Variants in BICC1 observed in about 807,000 individuals in gnomAD.
BICC1 encodes the protein protein bicaudal C homolog 1.
Under a neutral mutation model 111.0 loss-of-function variants are expected in BICC1, and 43 were observed. That is an observed-to-expected ratio of 0.39 (90% CI 0.30 to 0.50). The LOEUF (loss-of-function observed/expected upper bound fraction) is 0.50. BICC1 is among the 20% of genes least tolerant of loss of function. The pLI is 0.88. For synonymous variants in BICC1, 467 were observed against 434.4 expected (o/e 1.07, Z -0.93); for missense variants, 1,091 against 1,203.2 (o/e 0.91, Z 1.38).
At chr10:58,580,846 A>C (rs1201529968) in intron 1 of BICC1, among the ~76,000 whole-genome samples, 1 of 152,228 alleles carries the variant, frequency 6.6e-6, no homozygotes, top group Non-Finnish European at 1.5e-5. Flanking sequence ...TTTAAAGCTC[A>C]AACCATATCA....
intron 1 of BICC1, among the ~76,000 whole-genome samples, chr10:58,577,081 G>A (rs962421430): frequency 2.6e-5 from 4 of 152,140 alleles, no homozygotes. Context: ...ATCAGATGAG[G>A]TTGGTTTCCA....
At chr10:58,563,415 G>C (rs1843666037) in intron 1 of BICC1, among the ~76,000 whole-genome samples, 1 of 152,148 alleles carries the variant, frequency 6.6e-6, no homozygotes, top group African/African-American at 2.4e-5. Flanking sequence ...AGGCATCCAT[G>C]GTGGCAACGG....
chr10:58,781,019 A>G (rs1842870052), intron 3 of BICC1, among the ~76,000 whole-genome samples: 1 of 152,104 alleles, frequency 6.6e-6, no homozygotes, highest in African/African-American at 2.4e-5. Context: ...TCACATATAA[A>G]ATACCCATTT....
chr10:58,716,032 A>G (rs1840729363), intron 3 of BICC1: 18 of 1,428,076 alleles, frequency 1.3e-5, no homozygotes, highest in Non-Finnish European at 1.7e-5. Flanking sequence ...TTTAAAAAAG[A>G]AAAAGAAGTC....
chr10:58,522,145 CTATA>C (rs1465307724), intron 1 of BICC1, among the ~76,000 whole-genome samples: 1 of 151,752 alleles, frequency 6.6e-6, no homozygotes, highest in African/African-American at 2.4e-5. Context: ...GAGCACAAAT[CTATA>C]TATTCTTGCG....
intron 1 of BICC1, among the ~76,000 whole-genome samples, chr10:58,547,789 A>G (rs1170122009): frequency 6.6e-6 from 1 of 152,140 alleles, no homozygotes; most frequent in African/African-American, 2.4e-5. Flanking sequence ...TCAGTTGGCT[A>G]CTGTGTCCCT....
chr10:58,624,863 G>T (rs1432884266), intron 2 of BICC1, among the ~76,000 whole-genome samples: 1 of 151,990 alleles, frequency 6.6e-6, no homozygotes, highest in Non-Finnish European at 1.5e-5. Context: ...CAAAGTGCTG[G>T]GATTACAGAC....
intron 1 of BICC1, among the ~76,000 whole-genome samples, chr10:58,595,403 A>G (rs987128299): frequency 6.6e-6 from 1 of 152,216 alleles, no homozygotes; most frequent in African/African-American, 2.4e-5. Flanking sequence ...GCAGATCAAC[A>G]GAATATACAT....
At chr10:58,618,848 CA>C (rs1845706375) in intron 1 of BICC1, among the ~76,000 whole-genome samples, 2 of 152,172 alleles carry the variant, frequency 1.3e-5, no homozygotes, top group Admixed American at 6.6e-5. Flanking sequence ...GGGCTGAAAG[CA>C]AGGTGTTAGC....
At chr10:58,655,361 A>G (rs1328073529) in intron 2 of BICC1, among the ~76,000 whole-genome samples, 2 of 131,196 alleles carry the variant, frequency 1.5e-5, no homozygotes, top group Non-Finnish European at 1.6e-5. Flanking sequence ...TATTTCATTG[A>G]GCAGTGGTTT....
chr10:58,591,114 T>C (rs1844601910), intron 1 of BICC1, among the ~76,000 whole-genome samples: 1 of 152,168 alleles, frequency 6.6e-6, no homozygotes, highest in Non-Finnish European at 1.5e-5. Context: ...CTGCTTAGCA[T>C]CATGTATTTG....
rs1006491915 is a variant in BICC1, at chr10:58,719,847, T to C, written c.307+17704T>C. Among the ~76,000 whole-genome samples, 3 of 152,140 alleles carry C rather than the reference T, an allele frequency of 2.0e-5. No individual in the cohort carries two copies. The South Asian group carries it at 6.2e-4, about 31-fold the overall frequency. The stretch of plus-strand genomic sequence containing the variant: ...ATCTTTTGAATAACTTTTGAGAAAG[T>C]AAAAAATGGCCCTGGCAGCTGACAG... On this transcript the variant is annotated intron_variant, in intron 3 of 20. Transcript: ENST00000373886.
chr10:58,598,748 A>G (rs753078597), intron 1 of BICC1, among the ~76,000 whole-genome samples: 16 of 152,158 alleles, frequency 1.1e-4, no homozygotes, highest in Non-Finnish European at 2.2e-4. Context: ...AAATTTTTAC[A>G]CTCTATGCAT....
At chr10:58,807,281 T>C (rs577773144) in intron 17 of BICC1, 123 bp downstream of exon 17, 4 of 873,060 alleles carry the variant, frequency 4.6e-6, no homozygotes, top group Admixed American at 2.7e-5. Flanking sequence ...CTTGTTTTTA[T>C]TTCTATTCTT....
intron 3 of BICC1, among the ~76,000 whole-genome samples, chr10:58,782,614 G>T (rs1842910910): frequency 6.6e-6 from 1 of 152,186 alleles, no homozygotes; most frequent in Non-Finnish European, 1.5e-5. Context: ...TCAACCAGCA[G>T]TAACTAAAAC....
intron 3 of BICC1, among the ~76,000 whole-genome samples, chr10:58,743,826 A>G (rs1841747542): frequency 6.6e-6 from 1 of 151,966 alleles, no homozygotes; most frequent in African/African-American, 2.4e-5. Flanking sequence ...TTAAAAATAA[A>G]AATGGTTACT....
intron 2 of BICC1, among the ~76,000 whole-genome samples, chr10:58,694,837 A>C (rs2132424425): frequency 6.6e-6 from 1 of 152,192 alleles, no homozygotes; most frequent in Non-Finnish European, 1.5e-5. Flanking sequence ...CTGCTCAGTT[A>C]CTTCAGCATT....
intron 2 of BICC1, 33 bp downstream of exon 2, chr10:58,620,934 A>T: frequency 6.3e-7 from 1 of 1,599,256 alleles, no homozygotes. Context: ...CATGGTGATA[A>T]GTAAGAGGAA....
intron 3 of BICC1, among the ~76,000 whole-genome samples, chr10:58,771,237 T>C (rs1842615944): frequency 6.6e-6 from 1 of 152,050 alleles, no homozygotes; most frequent in South Asian, 2.1e-4. Flanking sequence ...AGGGCTGTCA[T>C]GGATATGCTA....
Sources: allele counts gnomAD v4.1 joint callset (sites outside exome capture counted in the v4.1 genomes callset), GRCh38; gene constraint gnomAD v4.1.1; transcripts MANE v1.5; gene names NCBI Gene and HGNC (gene_info 2026-07-23, HGNC 2026-07-21).